LARP1B: variants seen among roughly 807,000 people sequenced by gnomAD.
LARP1B encodes la-related protein 1B.
Under a neutral mutation model 114.2 loss-of-function variants are expected in LARP1B, and 76 were observed. That is an observed-to-expected ratio of 0.67 (90% CI 0.55 to 0.81). The LOEUF (loss-of-function observed/expected upper bound fraction) is 0.81. Among genes scored for constraint, LARP1B ranks in the 30% least tolerant of loss-of-function variants. The pLI is 0.00. For synonymous variants in LARP1B, 345 were observed against 348.0 expected, an observed-to-expected ratio of 0.99 and a Z score of 0.10; for missense variants, 1,014 against 1,075.8, an observed-to-expected ratio of 0.94 and a Z score of 0.80.
intron 11 of LARP1B, among the ~76,000 whole-genome samples, chr4:128,154,699 T>C (rs1410556018): frequency 6.6e-6 from 1 of 152,196 alleles, no homozygotes; most frequent in Non-Finnish European, 1.5e-5. Context: ...CCCAGAAAAA[T>C]TACTCTCCTG....
intron 11 of LARP1B, among the ~76,000 whole-genome samples, chr4:128,146,992 A>G (rs1730630994): frequency 6.6e-6 from 1 of 152,214 alleles, no homozygotes; most frequent in Non-Finnish European, 1.5e-5. Flanking sequence ...CCATTGCAAC[A>G]CATTCTCCTT....
rs1002879221 is a variant in LARP1B, at chr4:128,146,614, A to T, written c.1525-15580A>T. Among the ~76,000 whole-genome samples, 8 of 152,290 alleles carry T rather than the reference A, an allele frequency of 5.3e-5. No homozygotes were observed. The South Asian group carries it at 1.7e-3, about 32-fold the overall frequency. Reference sequence around the variant, plus strand: ...GGAAATCGGTCTTGCTAAGGTCAATATGGTGGTTTTTCTGGAGAGAAGGAG... The same window carrying T: ...GGAAATCGGTCTTGCTAAGGTCAATTTGGTGGTTTTTCTGGAGAGAAGGAG... On this transcript the variant is annotated intron_variant, in intron 11 of 19. Coordinates refer to ENST00000326639, the MANE Select transcript of LARP1B (RefSeq NM_018078.4).
At chr4:128,195,617 C>T (rs548952640) in intron 15 of LARP1B, among the ~76,000 whole-genome samples, 4 of 152,264 alleles carry the variant, frequency 2.6e-5, no homozygotes, top group East Asian at 3.9e-4. Flanking sequence ...ACCTGTCATA[C>T]TTTGCAGTCA....
intron 11 of LARP1B, among the ~76,000 whole-genome samples, chr4:128,134,199 G>A (rs1450621148): frequency 6.6e-6 from 1 of 151,888 alleles, no homozygotes; most frequent in Non-Finnish European, 1.5e-5. Flanking sequence ...TGTGGAGGCA[G>A]GGTCTTGTTA....
chr4:128,175,755 T>C (rs955140881), intron 12 of LARP1B, among the ~76,000 whole-genome samples: 10 of 152,278 alleles, frequency 6.6e-5, no homozygotes, highest in Non-Finnish European at 1.0e-4. Flanking sequence ...TTTTCAGTGG[T>C]CAAATTGTTT....
At chr4:128,190,783 C>T (rs1438459681) in intron 15 of LARP1B, among the ~76,000 whole-genome samples, 1 of 152,146 alleles carries the variant, frequency 6.6e-6, no homozygotes, top group East Asian at 1.9e-4. Context: ...TTATTTATAG[C>T]AGAGTGAAAA....
intron 12 of LARP1B, among the ~76,000 whole-genome samples, chr4:128,173,450 G>A (rs77337454): frequency 0.018 from 2,740 of 152,122 alleles, 65 homozygotes; most frequent in East Asian, 0.11. Context: ...AATTTTTGAC[G>A]TTCACTAAAC....
At position 128,182,178 on chromosome 4, in the gene LARP1B, A is replaced by G. The variant is rs1271262022; in HGVS notation, c.2003+2666A>G. On this transcript the variant is annotated intron_variant, in intron 15 of 19. Coordinates refer to ENST00000326639, the MANE Select transcript of LARP1B (RefSeq NM_018078.4). ...GCACAGGCTGGAGTTCTGTGGCACA[A>G]TCATGGCCCACTGCAACCGTAACCT... Among the ~76,000 whole-genome samples, 4 of 148,898 alleles carry G rather than the reference A, an allele frequency of 2.7e-5. No homozygotes were observed. In the Admixed American group the frequency reaches 2.7e-4, roughly 10 times the overall value.
chr4:128,172,441 C>T (rs1462490082), intron 12 of LARP1B, among the ~76,000 whole-genome samples: 1 of 151,904 alleles, frequency 6.6e-6, no homozygotes, highest in East Asian at 1.9e-4. Context: ...GCCTATAATC[C>T]CAGCACTTTG....
Position 128,106,030 on chromosome 4 carries a change from CT to C in LARP1B, c.814-1097del, listed in dbSNP as rs34671395. 1.6e-3 allele frequency among the ~76,000 whole-genome samples: 232 copies of C among 145,996 alleles called. 1 individual carries two copies. The highest frequency in any genetic ancestry group is 3.5e-3 in the Middle Eastern group (1 of 282). On this transcript the variant is annotated intron_variant, in intron 8 of 19. Coordinates refer to ENST00000326639, the MANE Select transcript of LARP1B (RefSeq NM_018078.4). ...TGTTCATTTCTGAATGGATAATGTT[CT>C]TTTTTTTTTTTGAGATGGAATCTTG...
At chr4:128,204,362 T>C (rs895994829) in intron 17 of LARP1B, among the ~76,000 whole-genome samples, 1 of 151,958 alleles carries the variant, frequency 6.6e-6, no homozygotes, top group South Asian at 2.1e-4. Flanking sequence ...CATTTTAAAA[T>C]GGCTTAAAGA....
At chr4:128,084,037 C>CAG (rs1772164099) in intron 5 of LARP1B, among the ~76,000 whole-genome samples, 2 of 152,136 alleles carry the variant, frequency 1.3e-5, no homozygotes, top group Admixed American at 1.3e-4. Flanking sequence ...GGCGGCCGGG[C>CAG]AGAGACGCTC....
chr4:128,140,287 GTATC>G (rs1727431477), intron 11 of LARP1B, among the ~76,000 whole-genome samples: 1 of 152,090 alleles, frequency 6.6e-6, no homozygotes, highest in Non-Finnish European at 1.5e-5. Flanking sequence ...AATATTTGAA[GTATC>G]TATCAGTAGC....
intron 11 of LARP1B, among the ~76,000 whole-genome samples, chr4:128,124,195 A>T (rs1339899972): frequency 1.3e-5 from 2 of 152,218 alleles, no homozygotes; most frequent in Non-Finnish European, 1.5e-5. Flanking sequence ...CCTAGAACCT[A>T]CAGCTAACTG....
intron 12 of LARP1B, among the ~76,000 whole-genome samples, chr4:128,176,196 T>A (rs1270172784): frequency 2.1e-5 from 3 of 144,438 alleles, no homozygotes; most frequent in Non-Finnish European, 4.5e-5. Flanking sequence ...AAATATATTT[T>A]TATATATTAT....
chr4:128,129,261 A>G (rs1458572286), intron 11 of LARP1B, among the ~76,000 whole-genome samples: 1 of 146,840 alleles, frequency 6.8e-6, no homozygotes, highest in Non-Finnish European at 1.5e-5. Flanking sequence ...AGGCTGAGAC[A>G]GGAGAACAGA....
chr4:128,068,606 C>T (rs1179736029), intron 1 of LARP1B, among the ~76,000 whole-genome samples: 1 of 151,814 alleles, frequency 6.6e-6, no homozygotes, highest in African/African-American at 2.4e-5. Flanking sequence ...GACAGGGTCT[C>T]ACTATATTGC....
At chr4:128,080,612 T>C (rs1260003850) in intron 4 of LARP1B, among the ~76,000 whole-genome samples, 2 of 152,190 alleles carry the variant, frequency 1.3e-5, no homozygotes, top group South Asian at 4.1e-4. Context: ...TTTATTTTGG[T>C]AGAAAATTTA....
At chr4:128,169,914 G>A (rs973082663) in intron 12 of LARP1B, among the ~76,000 whole-genome samples, 1 of 152,134 alleles carries the variant, frequency 6.6e-6, no homozygotes, top group Non-Finnish European at 1.5e-5. Context: ...TGGGATTACA[G>A]GCATGAGCCA....
Sources: allele counts gnomAD v4.1 joint callset (sites outside exome capture counted in the v4.1 genomes callset), GRCh38; gene constraint gnomAD v4.1.1; transcripts MANE v1.5; gene names NCBI Gene and HGNC (gene_info 2026-07-23, HGNC 2026-07-21).